The following VAT1L variants were observed in gnomAD, a reference collection of about 807,000 sequenced individuals.
VAT1L encodes putative NADPH-dependent quinone oxidoreductase VAT1L.
A neutral mutation model predicts 44.1 loss-of-function variants in VAT1L; 34 were observed. The observed-to-expected ratio is 0.77, with a 90% confidence interval of 0.59 to 1.03. The LOEUF is 1.03. VAT1L is among the 50% of genes least tolerant of loss of function. The pLI is 0.00. For synonymous variants in VAT1L, 253 were observed against 202.2 expected, an observed-to-expected ratio of 1.25 and a Z score of -2.13; for missense variants, 615 against 538.8, an observed-to-expected ratio of 1.14 and a Z score of -1.40.
chr16:77,807,133 A>C (rs16946521), intron 1 of VAT1L, among the ~76,000 whole-genome samples: 14,482 of 152,278 alleles, frequency 0.095, 755 homozygotes, highest in Admixed American at 0.12. Context: ...CCTCATAAAA[A>C]TTCACCATCA....
At chr16:77,866,612 GA>G (rs3038775) in intron 4 of VAT1L, among the ~76,000 whole-genome samples, 3,351 of 115,066 alleles carry the variant, frequency 0.029, 87 homozygotes, top group African/African-American at 0.085. Flanking sequence ...CAATGAACCA[GA>G]AAAAAAAAAA....
At chr16:77,820,901 A>T (rs944990347) in intron 2 of VAT1L, among the ~76,000 whole-genome samples, 1 of 152,188 alleles carries the variant, frequency 6.6e-6, no homozygotes, top group African/African-American at 2.4e-5. Context: ...CCCCTTCCCC[A>T]GTAGTTTCCC....
chr16:77,825,213 G>A, intron 2 of VAT1L, 33 bp from the exon 3 acceptor site: 1 of 1,611,214 alleles, frequency 6.2e-7, no homozygotes, highest in Non-Finnish European at 8.5e-7. Flanking sequence ...TCATGAGGTA[G>A]CCTCCACTAA....
chr16:77,891,934 T>C (rs2017270752), intron 7 of VAT1L, among the ~76,000 whole-genome samples: 1 of 152,172 alleles, frequency 6.6e-6, no homozygotes, highest in Non-Finnish European at 1.5e-5. Flanking sequence ...TAGCCCGGCA[T>C]GGTGGCACAT....
intron 7 of VAT1L, among the ~76,000 whole-genome samples, chr16:77,949,014 A>T (rs2018007007): frequency 1.3e-5 from 2 of 152,186 alleles, no homozygotes; most frequent in South Asian, 2.1e-4. Context: ...AACCCTTGGG[A>T]CATGAAAGAC....
chr16:77,913,030 G>GT (rs2017514991), intron 7 of VAT1L, among the ~76,000 whole-genome samples: 1 of 152,160 alleles, frequency 6.6e-6, no homozygotes, highest in Non-Finnish European at 1.5e-5. Flanking sequence ...CACATCAGGT[G>GT]TTACGGCTTC....
chr16:77,921,404 C>G (rs1413391665), intron 7 of VAT1L, among the ~76,000 whole-genome samples: 2 of 152,186 alleles, frequency 1.3e-5, no homozygotes, highest in East Asian at 1.9e-4. Flanking sequence ...GGAAGTGACT[C>G]TCCTTTAGGA....
intron 1 of VAT1L, among the ~76,000 whole-genome samples, chr16:77,802,498 C>T (rs1168511434): frequency 1.3e-5 from 2 of 151,956 alleles, no homozygotes; most frequent in African/African-American, 4.8e-5. Context: ...GCCTGTAATC[C>T]CAGCTACTCG....
At chr16:77,971,727 C>A in intron 7 of VAT1L, 123 bp from the exon 8 acceptor site, 1 of 943,782 alleles carries the variant, frequency 1.1e-6, no homozygotes, top group Non-Finnish European at 1.6e-6. Context: ...AACCTCTTAG[C>A]CACTAAACTT....
intron 7 of VAT1L, among the ~76,000 whole-genome samples, chr16:77,960,779 T>A (rs958291117): frequency 6.6e-6 from 1 of 152,072 alleles, no homozygotes; most frequent in African/African-American, 2.4e-5. Context: ...TCAGCCCTGA[T>A]TGAGGCTTCC....
At chr16:77,892,584 G>T in intron 7 of VAT1L, 5 of 636,244 alleles carry the variant, frequency 7.9e-6, no homozygotes, top group South Asian at 6.8e-5. Context: ...TGCTTTCACA[G>T]AATTATTCCA....
At position 77,825,374 on chromosome 16, in the gene VAT1L, C is replaced by G. The variant is rs1420818300; in HGVS notation, c.492C>G (p.Asn164Lys). Residue 164 changes from asparagine (N) to lysine (K), a missense_variant, in exon 3 of 9, where the codon AAC becomes AAG. Transcript: ENST00000302536. The stretch of plus-strand genomic sequence containing the variant: ...CCGAGGCTGCTGCATTCCCCATGAA[C>G]TTCGTCACAGCCTATGTGATGCTGT... ...SFSEAAAFPM[N>K]FVTAYVMLFE... is the part of the protein sequence containing the mutation. 6.2e-7 allele frequency: 1 copy of G among 1,614,076 alleles called. No individual in the cohort carries two copies.
intron 7 of VAT1L, among the ~76,000 whole-genome samples, chr16:77,896,610 G>C (rs540486496): frequency 2.0e-5 from 3 of 152,220 alleles, no homozygotes; most frequent in South Asian, 2.1e-4. Context: ...CAAGGGAGGA[G>C]AACACAGGAT....
chr16:77,882,836 G>A (rs2017169207), intron 6 of VAT1L, among the ~76,000 whole-genome samples: 1 of 152,204 alleles, frequency 6.6e-6, no homozygotes, highest in Non-Finnish European at 1.5e-5. Context: ...AATTTTGGAT[G>A]TAAGGAATAC....
chr16:77,892,322 G>C, intron 7 of VAT1L: 1 of 294,466 alleles, frequency 3.4e-6, no homozygotes, highest in South Asian at 3.7e-5. Flanking sequence ...AGCTGGCATG[G>C]ACCCTCTTTA....
chr16:77,894,760 G>C (rs1305705623), intron 7 of VAT1L, among the ~76,000 whole-genome samples: 3 of 152,270 alleles, frequency 2.0e-5, no homozygotes, highest in Admixed American at 6.5e-5. Flanking sequence ...TGCTAAGATA[G>C]ATATGCTAGT....
At chr16:77,962,310 A>AC (rs1567523415) in intron 7 of VAT1L, among the ~76,000 whole-genome samples, 1 of 152,164 alleles carries the variant, frequency 6.6e-6, no homozygotes, top group African/African-American at 2.4e-5. Context: ...CTGGAAGGCC[A>AC]GGAACCCAAA....
At position 77,879,010 on chromosome 16, in the gene VAT1L, A is replaced by G. The variant is rs761494629; in HGVS notation, c.827-159A>G. On this transcript the variant is annotated intron_variant, in intron 5 of 8. Transcript: ENST00000302536. This position sits in a 1 kb window ranked among gnomAD's most constrained non-coding sequence, Gnocchi z 4.1. The stretch of plus-strand genomic sequence containing the variant: ...ACAGTCAGCTAACATAGTCAACTTT[A>G]TGCCTCATTCTCATTCCCCTCACTT... Among the ~76,000 whole-genome samples, 16 of 152,214 alleles carry G rather than the reference A, an allele frequency of 1.1e-4. No individual in the cohort carries two copies. The highest frequency in any genetic ancestry group is 2.4e-4 in the Non-Finnish European group (16 of 68,032).
chr16:77,802,600 C>G lies in VAT1L; in HGVS notation c.233+13685C>G, dbSNP rs375409760. The stretch of plus-strand genomic sequence containing the variant: ...CTGCACTCCAGTCTGGGCAACAGAG[C>G]GAGACCCCATCTCAAACACACACAC... On this transcript the variant is annotated intron_variant, in intron 1 of 8. Transcript: ENST00000302536. 2.9e-5 allele frequency among the ~76,000 whole-genome samples: 4 copies of G among 136,136 alleles called. No individual in the cohort carries two copies. The East Asian group carries it at 9.4e-4, about 32-fold the overall frequency. 89.3% of individuals were successfully genotyped at this position (136,136 alleles called of 152,430 possible).
Sources: gnomAD v4.1 joint callset for allele counts (sites outside exome capture counted in the v4.1 genomes callset) on GRCh38, gnomAD v4.1.1 for gene constraint, Gnocchi (gnomAD v3.1) non-coding constraint, MANE v1.5 for transcripts, NCBI Gene and HGNC (gene_info 2026-07-23, HGNC 2026-07-21) for gene names.